Variants in SLCO3A1 observed in about 807,000 individuals in gnomAD.
SLCO3A1 encodes solute carrier organic anion transporter family member 3A1.
SLCO3A1 carries 27 observed loss-of-function variants against 63.1 expected under a neutral mutation model. The ratio of observed to expected loss-of-function variants is 0.43; its 90% CI spans 0.32 to 0.59. The LOEUF is 0.59. SLCO3A1 is among the 20% of genes least tolerant of loss of function. SLCO3A1 has a pLI of 0.09. For missense variants in SLCO3A1, 773 were observed against 945.8 expected (o/e 0.82, Z 2.40); for synonymous variants, 473 against 409.9 (o/e 1.15, Z -1.86).
intron 2 of SLCO3A1, among the ~76,000 whole-genome samples, chr15:92,009,153 A>G (rs1416964929): frequency 6.6e-6 from 1 of 152,182 alleles, no homozygotes; most frequent in Non-Finnish European, 1.5e-5. Flanking sequence ...GCTGTCCCAA[A>G]TGTTATGCTC....
At chr15:92,166,351 C>T (rs2151607972), downstream of SLCO3A1, among the ~76,000 whole-genome samples, 1 of 152,298 alleles carries the variant, frequency 6.6e-6, no homozygotes, top group South Asian at 2.1e-4. Flanking sequence ...AAGCCAGGAG[C>T]TCCTAAGGAA....
At chr15:92,016,525 A>G (rs779809741) in intron 2 of SLCO3A1, among the ~76,000 whole-genome samples, 1 of 152,162 alleles carries the variant, frequency 6.6e-6, no homozygotes, top group African/African-American at 2.4e-5. Flanking sequence ...GGCAATCTCT[A>G]TGGCCTTTGT....
Position 92,165,026 on chromosome 15 carries a change from A to AAGAC in SLCO3A1, c.*1894_*1895insCAGA. ...TGCATTTTACCCACAAGGCAAACAA[A>AAGAC]AGAATCAGGAAGTAAAAAATGGTTG... On this transcript the variant is annotated 3_prime_UTR_variant, in exon 10 of 10. Coordinates refer to ENST00000318445, the MANE Select transcript of SLCO3A1 (RefSeq NM_013272.4). 1.0e-6 allele frequency: 1 copy of AAGAC among 985,390 alleles called. No individual in the cohort carries two copies. Among genetic ancestry groups the AAGAC allele is most frequent in the Non-Finnish European group, 1.2e-6 (1 of 829,884 alleles). 61.0% of individuals were successfully genotyped at this position (985,390 alleles called of 1,614,324 possible).
intron 7 of SLCO3A1, among the ~76,000 whole-genome samples, chr15:92,145,932 T>C (rs960018018): frequency 2.0e-5 from 3 of 148,842 alleles, no homozygotes; most frequent in Non-Finnish European, 3.0e-5. Flanking sequence ...CCTGAAACCA[T>C]CCCATATAGC....
chr15:92,009,454 G>A (rs2046346314), intron 2 of SLCO3A1, among the ~76,000 whole-genome samples: 3 of 152,168 alleles, frequency 2.0e-5, no homozygotes, highest in Non-Finnish European at 4.4e-5. Context: ...AGCTGCAAAA[G>A]CCAACTCGAG....
At chr15:92,086,916 G>T (rs1345765360) in intron 2 of SLCO3A1, among the ~76,000 whole-genome samples, 1 of 151,290 alleles carries the variant, frequency 6.6e-6, no homozygotes, top group Non-Finnish European at 1.5e-5. Flanking sequence ...GGGGACGGCA[G>T]AGGTTCCAGT....
At chr15:91,952,958 G>T (rs1413054036) in intron 2 of SLCO3A1, among the ~76,000 whole-genome samples, 1 of 152,156 alleles carries the variant, frequency 6.6e-6, no homozygotes, top group Non-Finnish European at 1.5e-5. Context: ...GCAGCTGAGT[G>T]AGTCACAGAT....
At chr15:91,987,620 G>A (rs1182235235) in intron 2 of SLCO3A1, among the ~76,000 whole-genome samples, 1 of 151,892 alleles carries the variant, frequency 6.6e-6, no homozygotes, top group East Asian at 1.9e-4. Context: ...GCGGGCACCT[G>A]TAACCCCAGC....
chr15:91,873,563 C>CACACACACAT (rs1450416998), intron 1 of SLCO3A1, among the ~76,000 whole-genome samples: 6 of 146,326 alleles, frequency 4.1e-5, no homozygotes, highest in South Asian at 2.1e-4. Flanking sequence ...CACACACACA[C>CACACACACAT]ACATACATAC....
At chr15:91,940,318 G>C (rs1899575566) in intron 2 of SLCO3A1, among the ~76,000 whole-genome samples, 1 of 152,100 alleles carries the variant, frequency 6.6e-6, no homozygotes, top group Non-Finnish European at 1.5e-5. Flanking sequence ...TGTTTGCCAA[G>C]CCTGAGTCTG....
rs1200858406 is a variant in SLCO3A1 at position 91,882,447 on chromosome 15, G to A, written c.180+28359G>A. Among the ~76,000 whole-genome samples, 2 of 152,092 alleles carry A rather than the reference G, an allele frequency of 1.3e-5. No homozygotes were observed. Among genetic ancestry groups the A allele is most frequent in the African/African-American group, 4.8e-5 (2 of 41,386 alleles). ...TGAATCAATGAATGATCAAACAGAG[G>A]GACATGAAATTTGCTAATACGGTAT... is the stretch of plus-strand genomic sequence containing the variant. On this transcript the variant is annotated intron_variant, in intron 1 of 9. Coordinates refer to ENST00000318445, the MANE Select transcript of SLCO3A1 (RefSeq NM_013272.4). The surrounding 1 kb of genome is among the most constrained non-coding windows in gnomAD (Gnocchi z 4.4).
chr15:92,064,997 A>G (rs1171206531), intron 2 of SLCO3A1, among the ~76,000 whole-genome samples: 1 of 152,266 alleles, frequency 6.6e-6, no homozygotes, highest in Admixed American at 6.5e-5. Flanking sequence ...ATTTTTAAAA[A>G]TAGCTAGAAG....
chr15:92,104,997 G>A (rs2047650645), intron 4 of SLCO3A1, among the ~76,000 whole-genome samples: 3 of 150,854 alleles, frequency 2.0e-5, no homozygotes, highest in African/African-American at 7.3e-5. Flanking sequence ...CGCGCCCGGT[G>A]TAATCACATC....
At chr15:92,142,600 C>G (rs1232848975) in intron 7 of SLCO3A1, among the ~76,000 whole-genome samples, 3 of 152,162 alleles carry the variant, frequency 2.0e-5, no homozygotes, top group Non-Finnish European at 4.4e-5. Flanking sequence ...CAAGGGACAC[C>G]GAACATTCAA....
rs1159275000 is a variant in SLCO3A1 at position 91,863,752 on chromosome 15, G to A, written c.180+9664G>A. Among the ~76,000 whole-genome samples the A allele has an allele frequency of 1.3e-5, 2 of 152,176 alleles. No homozygotes were observed. Among genetic ancestry groups the A allele is most frequent in the African/African-American group, 4.8e-5 (2 of 41,434 alleles). Reference sequence around the variant, plus strand: ...ATAGATGTAGAAGAGCTTCAGAGAAGCCTCTCCTGTCCTTATGCAAAAAAC... The same window carrying A: ...ATAGATGTAGAAGAGCTTCAGAGAAACCTCTCCTGTCCTTATGCAAAAAAC... On this transcript the variant is annotated intron_variant, in intron 1 of 9. Transcript: ENST00000318445. The surrounding 1 kb of genome is among the most constrained non-coding windows in gnomAD (Gnocchi z 4.3).
intron 2 of SLCO3A1, among the ~76,000 whole-genome samples, chr15:91,963,414 G>GA (rs1900532918): frequency 7.5e-6 from 1 of 132,490 alleles, no homozygotes; most frequent in South Asian, 2.9e-4. Flanking sequence ...AGGGTGGGGG[G>GA]GGGGGGCGGC....
At chr15:92,146,835 A>C (rs1031851366) in intron 7 of SLCO3A1, 149 bp from the exon 8 acceptor site, 7 of 664,950 alleles carry the variant, frequency 1.1e-5, no homozygotes, top group Non-Finnish European at 1.5e-5. Context: ...AGCCTCCTTA[A>C]AAAAGCTAAC....
intron 2 of SLCO3A1, among the ~76,000 whole-genome samples, chr15:92,054,803 A>G (rs942666438): frequency 6.6e-6 from 1 of 152,200 alleles, no homozygotes; most frequent in South Asian, 2.1e-4. Flanking sequence ...ATGGCTGCAT[A>G]GTATTCCATA....
At chr15:92,130,934 A>C (rs2047987742) in intron 7 of SLCO3A1, among the ~76,000 whole-genome samples, 1 of 142,664 alleles carries the variant, frequency 7.0e-6, no homozygotes. Flanking sequence ...AAAACCTTTC[A>C]CCTCCTCCTT....
Sources: gnomAD v4.1 joint callset for allele counts (sites outside exome capture counted in the v4.1 genomes callset) on GRCh38, gnomAD v4.1.1 for gene constraint, Gnocchi (gnomAD v3.1) non-coding constraint, MANE v1.5 for transcripts, NCBI Gene and HGNC (gene_info 2026-07-23, HGNC 2026-07-21) for gene names.